Variants in RXFP1 observed in about 807,000 individuals in gnomAD.
The protein encoded by RXFP1 is relaxin receptor 1.
In RXFP1, 73 loss-of-function variants were observed where a neutral mutation model predicts 89.8. The ratio of observed to expected loss-of-function variants is 0.81; its 90% CI spans 0.67 to 0.99. The LOEUF is 0.99. Among genes scored for constraint, RXFP1 ranks in the 50% least tolerant of loss-of-function variants. RXFP1 has a pLI of 0.00. For synonymous variants in RXFP1, 277 were observed against 305.5 expected, an observed-to-expected ratio of 0.91 and a Z score of 0.97; for missense variants, 793 against 895.5, an observed-to-expected ratio of 0.89 and a Z score of 1.46.
At chr4:158,596,350 G>A (rs1286224124) in intron 3 of RXFP1, among the ~76,000 whole-genome samples, 1 of 146,820 alleles carries the variant, frequency 6.8e-6, no homozygotes, top group African/African-American at 2.5e-5. Flanking sequence ...TGCAACCTCT[G>A]CCTCCCAGGT....
At chr4:158,574,082 C>T (rs1383737400) in intron 2 of RXFP1, among the ~76,000 whole-genome samples, 1 of 152,160 alleles carries the variant, frequency 6.6e-6, no homozygotes, top group African/African-American at 2.4e-5. Flanking sequence ...GTTCAAACTT[C>T]TGAAGCCTTG....
intron 17 of RXFP1, among the ~76,000 whole-genome samples, chr4:158,649,033 A>T (rs1772110110): frequency 6.6e-6 from 1 of 152,156 alleles, no homozygotes; most frequent in South Asian, 2.1e-4. Flanking sequence ...GAATTGCTTG[A>T]ACTCAGGAGG....
At chr4:158,622,453 A>C (rs1765800097) in intron 9 of RXFP1, among the ~76,000 whole-genome samples, 1 of 152,254 alleles carries the variant, frequency 6.6e-6, no homozygotes, top group Admixed American at 6.5e-5. Flanking sequence ...ACAATAGCCA[A>C]GATATTAGTC....
chr4:158,543,211 C>T (rs967263460), intron 1 of RXFP1, among the ~76,000 whole-genome samples: 1 of 152,144 alleles, frequency 6.6e-6, no homozygotes, highest in Non-Finnish European at 1.5e-5. Context: ...GTTCTTCCTA[C>T]CTTTCCTGTT....
intron 1 of RXFP1, among the ~76,000 whole-genome samples, chr4:158,552,499 C>T (rs768754017): frequency 2.0e-5 from 3 of 152,062 alleles, no homozygotes; most frequent in Non-Finnish European, 4.4e-5. Context: ...TCTTCAAAAC[C>T]TAGGCATTAA....
intron 5 of RXFP1, among the ~76,000 whole-genome samples, chr4:158,605,585 A>T (rs2150111302): frequency 1.3e-5 from 2 of 152,320 alleles, no homozygotes; most frequent in South Asian, 4.1e-4. Context: ...CTGTGGGTTG[A>T]AACCTCTGAG....
chr4:158,619,311 A>T (rs1246760762), intron 9 of RXFP1, among the ~76,000 whole-genome samples: 1 of 152,228 alleles, frequency 6.6e-6, no homozygotes, highest in Non-Finnish European at 1.5e-5. Context: ...TGTAATCTAC[A>T]AAGTCATAAT....
At chr4:158,594,204 C>T (rs1760081410) in intron 3 of RXFP1, among the ~76,000 whole-genome samples, 1 of 152,208 alleles carries the variant, frequency 6.6e-6, no homozygotes, top group African/African-American at 2.4e-5. Context: ...TTCCATATCA[C>T]AGCCTCTATA....
rs900566433 is a variant in RXFP1 at position 158,539,859 on chromosome 4, A to G, written c.49+17834A>G. Among the ~76,000 whole-genome samples the G allele has an allele frequency of 6.7e-5, 10 of 150,044 alleles. No individual in the cohort carries two copies. The South Asian group carries it at 8.3e-4, about 12-fold the overall frequency. On this transcript the variant is annotated intron_variant, in intron 1 of 17. Transcript: ENST00000307765. ...AAATTGTCCTTTTGGCTAAAGATGG[A>G]AAAAAAATCACAGATTTCAAGTCAT... is the stretch of plus-strand genomic sequence containing the variant.
At chr4:158,559,597 A>C (rs926334843) in intron 1 of RXFP1, among the ~76,000 whole-genome samples, 2 of 152,166 alleles carry the variant, frequency 1.3e-5, no homozygotes, top group African/African-American at 4.8e-5. Flanking sequence ...TTACTTATCC[A>C]ATATTAAGAC....
At chr4:158,587,921 G>A (rs1361167300) in intron 2 of RXFP1, among the ~76,000 whole-genome samples, 3 of 152,084 alleles carry the variant, frequency 2.0e-5, no homozygotes, top group Non-Finnish European at 2.9e-5. Context: ...TCTCTTAAAA[G>A]GGGTGAATGA....
intron 1 of RXFP1, among the ~76,000 whole-genome samples, chr4:158,548,105 A>T (rs571592377): frequency 6.6e-6 from 1 of 152,156 alleles, no homozygotes; most frequent in Non-Finnish European, 1.5e-5. Flanking sequence ...GTAGGTCACT[A>T]AGGACTTGCT....
intron 8 of RXFP1, 121 bp downstream of exon 8, chr4:158,612,483 A>T: frequency 1.5e-6 from 1 of 657,870 alleles, no homozygotes; most frequent in South Asian, 2.3e-5. Context: ...CTTTTCAATG[A>T]AAAACCTTTT....
rs1255865861 is a variant in RXFP1, at chr4:158,612,193, A to G, written c.600A>G (p.Leu200=). 3 of 1,611,576 alleles carry G rather than the reference A, an allele frequency of 1.9e-6. No homozygotes were observed. The highest frequency in any genetic ancestry group is 1.3e-5 in the African/African-American group (1 of 74,952). The change falls in exon 7 of 18, where the codon CTA becomes CTG. Residue 200 remains leucine (L), a synonymous_variant. Coordinates refer to ENST00000307765, the MANE Select transcript of RXFP1 (RefSeq NM_021634.4). The part of the protein sequence containing the change: ...KPGVFEDLHR[L]EWLIIEDNHL... ...GTGTTTTTGAAGATCTTCACAGACT[A>G]GAATGGCTGTATGTTTAATTTATGT...
intron 12 of RXFP1, among the ~76,000 whole-genome samples, chr4:158,636,541 C>T (rs1159331907): frequency 2.0e-5 from 3 of 152,166 alleles, no homozygotes; most frequent in Non-Finnish European, 4.4e-5. Context: ...ACAAGCTGGG[C>T]ACTGTTCTAA....
chr4:158,579,899 A>G (rs1367963743), intron 2 of RXFP1, among the ~76,000 whole-genome samples: 2 of 152,110 alleles, frequency 1.3e-5, no homozygotes, highest in African/African-American at 4.8e-5. Flanking sequence ...GTACTCTTTT[A>G]TGTTATGGTG....
At chr4:158,635,005 G>T (rs1170094211) in intron 12 of RXFP1, among the ~76,000 whole-genome samples, 1 of 151,846 alleles carries the variant, frequency 6.6e-6, no homozygotes, top group Non-Finnish European at 1.5e-5. Context: ...GTTTGGCTAT[G>T]TGGGCTCCCT....
At chr4:158,558,179 T>C (rs966017367) in intron 1 of RXFP1, among the ~76,000 whole-genome samples, 3 of 152,236 alleles carry the variant, frequency 2.0e-5, no homozygotes, top group Non-Finnish European at 2.9e-5. Context: ...GTTTACTTTT[T>C]AAATAAGCAG....
intron 1 of RXFP1, among the ~76,000 whole-genome samples, chr4:158,545,230 G>A (rs1160594386): frequency 6.6e-6 from 1 of 151,640 alleles, no homozygotes; most frequent in African/African-American, 2.4e-5. Context: ...GTGTTTTTTT[G>A]GCTGCATAAA....
Sources: gnomAD v4.1 joint callset for allele counts (sites outside exome capture counted in the v4.1 genomes callset) on GRCh38, gnomAD v4.1.1 for gene constraint, MANE v1.5 for transcripts, NCBI Gene and HGNC (gene_info 2026-07-23, HGNC 2026-07-21) for gene names.